AK6: variants seen among roughly 807,000 people sequenced by gnomAD.
The protein encoded by AK6 is adenylate kinase isoenzyme 6.
A neutral mutation model predicts 23.7 loss-of-function variants in AK6; 24 were observed. That is an observed-to-expected ratio of 1.01 (90% CI 0.73 to 1.43). AK6 has a LOEUF of 1.43. Among genes scored for constraint, AK6 ranks in the 40% most tolerant of loss-of-function variants. AK6 has a pLI of 0.00. For synonymous variants in AK6, 73 were observed against 69.8 expected, an observed-to-expected ratio of 1.05 and a Z score of -0.23; for missense variants, 191 against 199.1, an observed-to-expected ratio of 0.96 and a Z score of 0.24.
intron 2 of AK6, 57 bp from the exon 3 acceptor site, chr5:69,356,010 T>G: frequency 7.1e-7 from 1 of 1,418,078 alleles, no homozygotes; most frequent in Non-Finnish European, 9.7e-7. Context: ...TTAAGTAATT[T>G]TCAATTAATT....
chr5:69,368,130 A>T (rs894420507), intron 1 of AK6, among the ~76,000 whole-genome samples: 5 of 152,242 alleles, frequency 3.3e-5, no homozygotes, highest in Non-Finnish European at 5.9e-5. Flanking sequence ...TTTCCCAAAG[A>T]AACCCTATTT....
chr5:69,369,316 G>T, intron 1 of AK6, 147 bp downstream of exon 1: 1 of 648,340 alleles, frequency 1.5e-6, no homozygotes, highest in Non-Finnish European at 2.2e-6. Flanking sequence ...GCGAGGGTCG[G>T]CTCCCGGGGC....
intron 2 of AK6, among the ~76,000 whole-genome samples, chr5:69,357,815 GAAC>G (rs1185006243): frequency 2.6e-5 from 4 of 151,808 alleles, no homozygotes; most frequent in Admixed American, 6.6e-5. Context: ...AAAAAATGTT[GAAC>G]AATAAGAAAA....
Position 69,352,184 on chromosome 5 carries a change from G to C in AK6, c.396C>G (p.Ala132=). The stretch of plus-strand genomic sequence containing the variant: ...CGATTTCTTCCTTGTAGGATGCTGT[G>C]GCTTCTTCATAAAGAACTTGAAAAA... ...CEIFQVLYEE[A]TASYKEEIVH... Residue 132 remains alanine (A), a synonymous_variant, in exon 5 of 5, where the codon GCC becomes GCG. Transcript: ENST00000380822. 6.2e-7 allele frequency: 1 copy of C among 1,613,822 alleles called. No homozygotes were observed. Among genetic ancestry groups the C allele is most frequent in the Non-Finnish European group, 8.5e-7 (1 of 1,179,878 alleles).
chr5:69,353,346 G>C (rs1761998076), intron 4 of AK6, among the ~76,000 whole-genome samples: 1 of 152,132 alleles, frequency 6.6e-6, no homozygotes, highest in Non-Finnish European at 1.5e-5. Flanking sequence ...CACCCAGGCT[G>C]GAGTGCAGTG....
At chr5:69,358,382 G>A (rs535423369) in intron 2 of AK6, among the ~76,000 whole-genome samples, 17 of 152,024 alleles carry the variant, frequency 1.1e-4, no homozygotes, top group African/African-American at 3.4e-4. Context: ...TTAGCCAGGC[G>A]TGGTGGCGGG....
intron 2 of AK6, among the ~76,000 whole-genome samples, chr5:69,358,517 CAAAAAAAAAAA>C (rs5868577): frequency 1.5e-4 from 8 of 54,164 alleles, no homozygotes; most frequent in Admixed American, 7.5e-4. Context: ...GACTCTGTCT[CAAAAAAAAAAA>C]AAAAAAAAAA....
At chr5:69,369,793 C>T, upstream of AK6, 2 of 1,366,142 alleles carry the variant, frequency 1.5e-6, no homozygotes, top group Non-Finnish European at 2.0e-6. Flanking sequence ...TTGCGCCGAC[C>T]AGTCTGGAAG....
At chr5:69,363,043 A>G (rs1261830711) in intron 2 of AK6, among the ~76,000 whole-genome samples, 3 of 152,132 alleles carry the variant, frequency 2.0e-5, no homozygotes, top group Non-Finnish European at 2.9e-5. Flanking sequence ...CCTGGGGAAC[A>G]AAGCCAGACC....
intron 1 of AK6, 141 bp downstream of exon 1, chr5:69,369,322 G>C (rs901160778): frequency 1.4e-5 from 10 of 716,456 alleles, no homozygotes; most frequent in Admixed American, 5.4e-5. Context: ...GTCGGCTCCC[G>C]GGGCGCTGAC....
At chr5:69,366,840 C>G (rs1762451502) in intron 1 of AK6, 1 of 444,994 alleles carries the variant, frequency 2.2e-6, no homozygotes, top group Admixed American at 3.5e-5. Flanking sequence ...CTCACTGCAA[C>G]CTCCACCTCC....
chr5:69,369,738 T>TG, upstream of AK6: 1 of 1,539,174 alleles, frequency 6.5e-7, no homozygotes, highest in Non-Finnish European at 8.8e-7. Flanking sequence ...GGCAGTGCGC[T>TG]GGATGCCTAA....
chr5:69,352,360 A>T (rs1489086714), intron 4 of AK6, 107 bp from the exon 5 acceptor site: 4 of 820,188 alleles, frequency 4.9e-6, no homozygotes, highest in Non-Finnish European at 5.8e-6. Flanking sequence ...GAAAAATTAC[A>T]GAAATGGTCT....
chr5:69,355,103 A>C (rs1762047337), intron 4 of AK6, among the ~76,000 whole-genome samples: 2 of 152,202 alleles, frequency 1.3e-5, no homozygotes, highest in Admixed American at 6.5e-5. Context: ...TGCTGGGATT[A>C]CAAGCGTGAG....
rs1451460635 is a variant in AK6 at position 69,351,755 on chromosome 5, A to G, written c.*306T>C. 4.3e-6 allele frequency: 1 copy of G among 233,638 alleles called. No homozygotes were observed. The highest frequency in any genetic ancestry group is 2.2e-5 in the African/African-American group (1 of 44,548). 14.5% of individuals were successfully genotyped at this position (233,638 alleles called of 1,614,324 possible). A position where few individuals can be genotyped will look rare whatever the true frequency, so the allele number is the denominator to read the frequency against. The stretch of plus-strand genomic sequence containing the variant: ...TTTATCTTTAGTTTTATTTTAAGAG[A>G]TCATCTGCATTTTTTTCTGTAATAA... On this transcript the variant is annotated 3_prime_UTR_variant, in exon 5 of 5. Transcript: ENST00000380822.
intron 2 of AK6, among the ~76,000 whole-genome samples, chr5:69,363,502 G>A (rs550831649): frequency 4.6e-5 from 7 of 152,264 alleles, no homozygotes; most frequent in South Asian, 2.1e-4. Context: ...CAGAAAGGCC[G>A]GGCTGGGCGC....
At position 69,355,647 on chromosome 5, in the gene AK6, A is replaced by G. The variant is rs768382684; in HGVS notation, c.326+2T>C. 8 of 1,588,478 alleles carry G rather than the reference A, an allele frequency of 5.0e-6. No individual in the cohort carries two copies. The East Asian group carries it at 1.8e-4, about 36-fold the overall frequency. On this transcript the variant is annotated splice_donor_variant, in intron 4 of 4. Transcript: ENST00000380822. LOFTEE classifies it high-confidence loss of function. Reference sequence around the variant, plus strand: ...AAGAATCTAATGTTTTTCCTTTCTTACCTTGTTTCAAGTCTTTCGTACAAT... The same window carrying G: ...AAGAATCTAATGTTTTTCCTTTCTTGCCTTGTTTCAAGTCTTTCGTACAAT...
At chr5:69,368,993 G>A (rs1470323217) in intron 1 of AK6, 1 of 164,952 alleles carries the variant, frequency 6.1e-6, no homozygotes, top group Non-Finnish European at 1.3e-5. Flanking sequence ...CTAATCTGAG[G>A]CGTTTATCAG....
At chr5:69,367,587 C>T (rs1256378977) in intron 1 of AK6, among the ~76,000 whole-genome samples, 1 of 151,262 alleles carries the variant, frequency 6.6e-6, no homozygotes, top group Admixed American at 6.6e-5. Flanking sequence ...GACAAGATAT[C>T]TCTTTGTTAC....
Sources: allele counts gnomAD v4.1 joint callset (sites outside exome capture counted in the v4.1 genomes callset), GRCh38; gene constraint gnomAD v4.1.1; transcripts MANE v1.5; gene names NCBI Gene and HGNC (gene_info 2026-07-23, HGNC 2026-07-21).